The following RAI14 variants were observed in gnomAD, a reference collection of about 807,000 sequenced individuals.
RAI14 encodes the protein retinoic acid induced 14, also known as ankycorbin.
A neutral mutation model predicts 115.4 loss-of-function variants in RAI14; 45 were observed. The ratio of observed to expected loss-of-function variants is 0.39; its 90% confidence interval spans 0.31 to 0.50. The LOEUF (loss-of-function observed/expected upper bound fraction) is 0.50, where lower values mean the gene tolerates loss of function less well. Ranked by LOEUF, RAI14 falls within the 20% of genes least tolerant of loss-of-function variation. The pLI is 0.85. For missense variants in RAI14, 939 were observed against 1,131.2 expected (o/e 0.83, Z 2.44); for synonymous variants, 371 against 415.4 (o/e 0.89, Z 1.30).
chr5:34,669,871 A>G (rs1230473545), intron 1 of RAI14, among the ~76,000 whole-genome samples: 3 of 152,218 alleles, frequency 2.0e-5, no homozygotes. Context: ...AGCCCAGGCG[A>G]ACGTAAAAAT....
intron 2 of RAI14, among the ~76,000 whole-genome samples, chr5:34,694,919 GAC>G (rs1469107044): frequency 1.3e-5 from 2 of 152,120 alleles, no homozygotes; most frequent in African/African-American, 4.8e-5. Context: ...ATGTGTGTGT[GAC>G]AGAGTCTCGC....
At chr5:34,695,926 T>G (rs1054312598) in intron 2 of RAI14, among the ~76,000 whole-genome samples, 4 of 150,814 alleles carry the variant, frequency 2.7e-5, no homozygotes, top group African/African-American at 9.7e-5. Context: ...CAAGCAATCC[T>G]CTTGCCCTGG....
intron 12 of RAI14, among the ~76,000 whole-genome samples, 173 bp from the exon 13 acceptor site, chr5:34,818,623 CT>C (rs1430418224): frequency 6.6e-6 from 1 of 152,174 alleles, no homozygotes; most frequent in African/African-American, 2.4e-5. Flanking sequence ...ATAATTGTCA[CT>C]TTTACTCATT....
chr5:34,698,080 TCCTC>T (rs1739494171), intron 2 of RAI14, among the ~76,000 whole-genome samples: 3 of 49,078 alleles, frequency 6.1e-5, no homozygotes, highest in South Asian at 1.4e-3. Context: ...CTCCCTTTCC[TCCTC>T]CCCTCCTCCC....
chr5:34,674,011 A>G (rs755729659), intron 1 of RAI14, among the ~76,000 whole-genome samples: 13 of 152,102 alleles, frequency 8.5e-5, no homozygotes, highest in Non-Finnish European at 1.5e-4. Context: ...CAGACCACTT[A>G]TGGATCCACT....
chr5:34,746,516 T>C (rs766750313), intron 2 of RAI14, among the ~76,000 whole-genome samples: 1 of 151,106 alleles, frequency 6.6e-6, no homozygotes, highest in Non-Finnish European at 1.5e-5. Flanking sequence ...GCAATTCTCC[T>C]GCCTCCGCCT....
intron 16 of RAI14, 83 bp downstream of exon 16, chr5:34,826,562 G>A: frequency 6.7e-7 from 1 of 1,493,506 alleles, no homozygotes. Flanking sequence ...GGGCAAGTGG[G>A]CGTGAACAAA....
Position 34,796,921 on chromosome 5 carries a change from T to C in RAI14, c.256+894T>C, listed in dbSNP as rs144499119. 2.4e-3 allele frequency among the ~76,000 whole-genome samples: 364 copies of C among 152,268 alleles called. 1 individual carries two copies. The highest frequency in any genetic ancestry group is 0.014 in the Middle Eastern group (4 of 294). On this transcript the variant is annotated intron_variant, in intron 4 of 17. Transcript: ENST00000265109. The stretch of plus-strand genomic sequence containing the variant: ...GATTCCATTGTCTGGAAGTTGCCAG[T>C]CAACTGGTATTTTTTTAAAGCTCGC...
At chr5:34,785,883 G>A (rs1003703473) in intron 3 of RAI14, among the ~76,000 whole-genome samples, 1 of 152,160 alleles carries the variant, frequency 6.6e-6, no homozygotes, top group African/African-American at 2.4e-5. Context: ...TTGCCCCATT[G>A]TAATCAGAAT....
At chr5:34,738,430 C>G (rs1745123374) in intron 2 of RAI14, among the ~76,000 whole-genome samples, 1 of 152,174 alleles carries the variant, frequency 6.6e-6, no homozygotes, top group Admixed American at 6.5e-5. Context: ...TGCTCTTTTC[C>G]TTGCCAGGAG....
rs751292025 is a variant in RAI14, at chr5:34,823,978, G to A, written c.2136G>A (p.Glu712=). 1.4e-5 allele frequency: 23 copies of A among 1,614,086 alleles called. No homozygotes were observed. In the East Asian group the frequency reaches 5.1e-4, roughly 36 times the overall value. ...CTCAGTATTCAAAAGTGTTGAATGA[G>A]TTGACCCAGCTCAAACAACTGGTGG... ...MKSQYSKVLN[E]LTQLKQLVDA... is the part of the protein sequence containing the mutation. The change falls in exon 15 of 18, where the codon GAG becomes GAA. Residue 712 remains glutamate (E), a synonymous_variant. Coordinates refer to ENST00000265109, the MANE Select transcript of RAI14 (RefSeq NM_015577.3). The surrounding 1 kb of genome is among the most constrained non-coding windows in gnomAD (Gnocchi z 4.5).
At chr5:34,753,549 G>T (rs985245843) in intron 2 of RAI14, among the ~76,000 whole-genome samples, 11 of 152,158 alleles carry the variant, frequency 7.2e-5, no homozygotes, top group Non-Finnish European at 1.6e-4. Context: ...GGAGGCCAAG[G>T]TGGGAGGATC....
At chr5:34,734,174 C>T (rs1744553773) in intron 2 of RAI14, among the ~76,000 whole-genome samples, 1 of 152,188 alleles carries the variant, frequency 6.6e-6, no homozygotes, top group South Asian at 2.1e-4. Context: ...TCTTTAGGCC[C>T]GCCCCCCTGG....
At chr5:34,660,334 A>C (rs1742595150) in intron 1 of RAI14, among the ~76,000 whole-genome samples, 1 of 152,224 alleles carries the variant, frequency 6.6e-6, no homozygotes, top group Admixed American at 6.5e-5. Flanking sequence ...CGGGAGGCTA[A>C]GGCAGATGAA....
intron 2 of RAI14, among the ~76,000 whole-genome samples, chr5:34,692,422 T>C (rs1323436801): frequency 6.6e-6 from 1 of 151,686 alleles, no homozygotes; most frequent in Admixed American, 6.6e-5. Context: ...ATACACACAA[T>C]GGGAGTATTT....
intron 2 of RAI14, among the ~76,000 whole-genome samples, chr5:34,724,348 C>T (rs1228337021): frequency 1.3e-5 from 2 of 152,016 alleles, no homozygotes; most frequent in African/African-American, 4.8e-5. Context: ...AGATCCATAT[C>T]CTTTAAATCT....
chr5:34,825,326 A>G (rs933328025), intron 15 of RAI14, among the ~76,000 whole-genome samples: 4 of 152,158 alleles, frequency 2.6e-5, no homozygotes, highest in African/African-American at 7.2e-5. Flanking sequence ...TCCTTATACT[A>G]AAGCATTTTC....
chr5:34,786,254 C>T (rs1752284181), intron 3 of RAI14, among the ~76,000 whole-genome samples: 1 of 152,214 alleles, frequency 6.6e-6, no homozygotes, highest in South Asian at 2.1e-4. Context: ...ACTGCCAAGC[C>T]TCTAAATCAC....
At chr5:34,735,271 G>A (rs1054272831) in intron 2 of RAI14, among the ~76,000 whole-genome samples, 1 of 152,088 alleles carries the variant, frequency 6.6e-6, no homozygotes, top group Non-Finnish European at 1.5e-5. Context: ...TAAATTTTCT[G>A]TATCTTTGAA....
Sources: allele counts gnomAD v4.1 joint callset (sites outside exome capture counted in the v4.1 genomes callset), GRCh38; gene constraint gnomAD v4.1.1; non-coding constraint Gnocchi (gnomAD v3.1); transcripts MANE v1.5; gene names NCBI Gene and HGNC (gene_info 2026-07-23, HGNC 2026-07-21).